Variants in ARHGAP24 observed in about 807,000 individuals in gnomAD.
ARHGAP24 encodes rho GTPase-activating protein 24.
In ARHGAP24, 50 loss-of-function variants were observed where a neutral mutation model predicts 76.4. That is an observed-to-expected ratio of 0.65 (90% confidence interval 0.52 to 0.83). The LOEUF (loss-of-function observed/expected upper bound fraction) is 0.83. Ranked by LOEUF, ARHGAP24 falls within the 40% of genes least tolerant of loss-of-function variation. ARHGAP24 has a pLI of 0.00. For synonymous variants in ARHGAP24, 345 were observed against 323.3 expected, an observed-to-expected ratio of 1.07 and a Z score of -0.72; for missense variants, 930 against 914.2, an observed-to-expected ratio of 1.02 and a Z score of -0.22.
At chr4:85,861,133 GT>G (rs1378197451) in intron 3 of ARHGAP24, among the ~76,000 whole-genome samples, 2 of 151,890 alleles carry the variant, frequency 1.3e-5, no homozygotes, top group African/African-American at 2.4e-5. Flanking sequence ...GCCAGATACT[GT>G]TTCAAAAACA....
chr4:85,980,605 T>C (rs1312329589), intron 8 of ARHGAP24, among the ~76,000 whole-genome samples: 1 of 152,228 alleles, frequency 6.6e-6, no homozygotes, highest in Non-Finnish European at 1.5e-5. Flanking sequence ...ATACCCATTA[T>C]ACACTATTCC....
At chr4:85,699,439 A>G (rs1553923713) in intron 2 of ARHGAP24, among the ~76,000 whole-genome samples, 2 of 152,044 alleles carry the variant, frequency 1.3e-5, no homozygotes, top group Non-Finnish European at 2.9e-5. Flanking sequence ...ACAAAAAATA[A>G]TTTTTCAAAA....
chr4:85,852,531 T>C (rs1472678632), intron 3 of ARHGAP24, among the ~76,000 whole-genome samples: 1 of 152,246 alleles, frequency 6.6e-6, no homozygotes, highest in Admixed American at 6.5e-5. Context: ...GAAGAGGCAC[T>C]CTGGTTTTTA....
intron 8 of ARHGAP24, chr4:85,992,006 T>G (rs1740359312): frequency 5.1e-6 from 2 of 394,438 alleles, no homozygotes; most frequent in Admixed American, 4.4e-5. Context: ...TTATGTGATA[T>G]TTAGAGTCAA....
intron 2 of ARHGAP24, among the ~76,000 whole-genome samples, chr4:85,674,946 A>T (rs1335612007): frequency 1.3e-5 from 2 of 152,210 alleles, no homozygotes; most frequent in African/African-American, 4.8e-5. Flanking sequence ...AGTTGCACAG[A>T]TCTCGTCACA....
In ARHGAP24 at chr4:85,971,977, A is replaced by G; in HGVS notation, c.600-59A>G. 6 of 1,613,192 alleles carry G rather than the reference A, an allele frequency of 3.7e-6. 1 individual carries two copies. The highest frequency in any genetic ancestry group is 1.6e-4 in the Middle Eastern group (1 of 6,062). On this transcript the variant is annotated intron_variant, in intron 5 of 9. Coordinates refer to ENST00000395184, the MANE Select transcript of ARHGAP24 (RefSeq NM_001025616.3). ...CTGACTCCTGGGCTCTTGAAAAACAATAAATAGAATGGTATGAAGTTTACT... is the reference window on the plus strand; with the variant it reads ...CTGACTCCTGGGCTCTTGAAAAACAGTAAATAGAATGGTATGAAGTTTACT...
intron 2 of ARHGAP24, among the ~76,000 whole-genome samples, chr4:85,645,091 T>C (rs1449130604): frequency 6.6e-6 from 1 of 152,154 alleles, no homozygotes; most frequent in Non-Finnish European, 1.5e-5. Context: ...CTGGTTATAA[T>C]CAGTGGACAT....
chr4:85,624,709 T>C (rs1720868982), intron 2 of ARHGAP24, among the ~76,000 whole-genome samples: 1 of 151,498 alleles, frequency 6.6e-6, no homozygotes, highest in Non-Finnish European at 1.5e-5. Context: ...GTCCTGGACT[T>C]TTTTTGGTTG....
intron 1 of ARHGAP24, among the ~76,000 whole-genome samples, chr4:85,547,675 A>G (rs936268066): frequency 6.6e-6 from 1 of 152,144 alleles, no homozygotes; most frequent in African/African-American, 2.4e-5. Flanking sequence ...AGCTCAAGCA[A>G]TCCGCCCACC....
At chr4:85,575,450 A>AAAAG (rs1727333296) in intron 2 of ARHGAP24, among the ~76,000 whole-genome samples, 7 of 152,292 alleles carry the variant, frequency 4.6e-5, no homozygotes, top group African/African-American at 1.7e-4. Flanking sequence ...CAGAGGAAAA[A>AAAAG]GTGTAAAATC....
rs867930091 is a variant in ARHGAP24, at chr4:85,782,057, A to G, written c.268+60085A>G. Among the ~76,000 whole-genome samples the G allele has an allele frequency of 4.4e-3, 482 of 109,566 alleles. 4 individuals are homozygous for G. The highest frequency in any genetic ancestry group is 0.015 in the African/African-American group (468 of 32,100). 71.9% of individuals were successfully genotyped at this position (109,566 alleles called of 152,430 possible). A position where few individuals can be genotyped will look rare whatever the true frequency, so the allele number is the denominator to read the frequency against. On this transcript the variant is annotated intron_variant, in intron 3 of 9. Coordinates refer to ENST00000395184, the MANE Select transcript of ARHGAP24 (RefSeq NM_001025616.3). ...ATCTCAAAAAAAAAAAAAAAGAAAAAAAAAAGAAAAAAAAAACAATTGTCT... is the reference window on the plus strand; with the variant it reads ...ATCTCAAAAAAAAAAAAAAAGAAAAGAAAAAGAAAAAAAAAACAATTGTCT...
chr4:85,812,900 G>A (rs1380313488), intron 3 of ARHGAP24, among the ~76,000 whole-genome samples: 2 of 152,100 alleles, frequency 1.3e-5, no homozygotes, highest in African/African-American at 2.4e-5. Flanking sequence ...CAATTACACC[G>A]TGACCCCATT....
chr4:85,571,797 A>C (rs1366660352), intron 2 of ARHGAP24, among the ~76,000 whole-genome samples: 1 of 152,218 alleles, frequency 6.6e-6, no homozygotes, highest in Admixed American at 6.5e-5. Flanking sequence ...ACTTAAAATA[A>C]TCCTATGAGG....
At chr4:85,851,079 A>G (rs1015987238) in intron 3 of ARHGAP24, among the ~76,000 whole-genome samples, 7 of 152,184 alleles carry the variant, frequency 4.6e-5, no homozygotes, top group Non-Finnish European at 8.8e-5. Flanking sequence ...ATTGTGCGGG[A>G]GTCTAAGTCT....
chr4:85,941,062 C>T (rs1293969639), intron 4 of ARHGAP24, among the ~76,000 whole-genome samples: 2 of 152,174 alleles, frequency 1.3e-5, no homozygotes, highest in African/African-American at 2.4e-5. Context: ...TACTTTTCTT[C>T]CCCTTTCATG....
intron 3 of ARHGAP24, among the ~76,000 whole-genome samples, chr4:85,872,978 G>A (rs1474896193): frequency 1.3e-5 from 2 of 152,252 alleles, no homozygotes; most frequent in South Asian, 2.1e-4. Context: ...GGCTTATTTT[G>A]ATTGGGAAAG....
chr4:85,669,629 G>T (rs867113775), intron 2 of ARHGAP24, among the ~76,000 whole-genome samples: 3 of 130,704 alleles, frequency 2.3e-5, no homozygotes. Context: ...AGACTGCATT[G>T]ACCCTGTACT....
chr4:85,980,314 A>G (rs1048342933), intron 8 of ARHGAP24, among the ~76,000 whole-genome samples: 17 of 152,248 alleles, frequency 1.1e-4, no homozygotes, highest in Non-Finnish European at 2.2e-4. Flanking sequence ...ACAAGTTCAC[A>G]TTAGTTACAA....
At chr4:85,970,607 A>G (rs1738912648) in intron 5 of ARHGAP24, among the ~76,000 whole-genome samples, 1 of 152,132 alleles carries the variant, frequency 6.6e-6, no homozygotes, top group African/African-American at 2.4e-5. Flanking sequence ...CCATTGTCTC[A>G]GCTCATATAA....
Sources: allele counts gnomAD v4.1 joint callset (sites outside exome capture counted in the v4.1 genomes callset), GRCh38; gene constraint gnomAD v4.1.1; transcripts MANE v1.5; gene names NCBI Gene and HGNC (gene_info 2026-07-23, HGNC 2026-07-21).